EFNA2: variants seen among roughly 807,000 people sequenced by gnomAD.
EFNA2 encodes ephrin A2, also known as ephrin-A2.
Under a neutral mutation model 19.7 loss-of-function variants are expected in EFNA2, and 18 were observed. The ratio of observed to expected loss-of-function variants is 0.91; its 90% CI spans 0.63 to 1.35. The LOEUF (loss-of-function observed/expected upper bound fraction) is 1.35. Among genes scored for constraint, EFNA2 ranks in the 40% most tolerant of loss-of-function variants. EFNA2 has a pLI of 0.00. For synonymous variants in EFNA2, 187 were observed against 137.8 expected (o/e 1.36, Z -2.50); for missense variants, 303 against 296.0 (o/e 1.02, Z -0.17).
chr19:1,294,257 CAG>C lies in EFNA2; in HGVS notation c.141-1287_141-1286del, dbSNP rs1050369327. Among the ~76,000 whole-genome samples the C allele has an allele frequency of 1.3e-5, 2 of 152,198 alleles. No individual in the cohort carries two copies. The highest frequency in any genetic ancestry group is 4.8e-5 in the African/African-American group (2 of 41,446). On this transcript the variant is annotated intron_variant, in intron 1 of 3. Coordinates refer to ENST00000215368, the MANE Select transcript of EFNA2 (RefSeq NM_001405.4). The surrounding 1 kb of genome is among the most constrained non-coding windows in gnomAD (Gnocchi z 5.8). The stretch of plus-strand genomic sequence containing the variant: ...TTGGTCCAGGCCGCCGGTTACATGA[CAG>C]GGGCCCTGGGGACCACAGCCGGGAG...
rs1385196959 is a variant in EFNA2, at chr19:1,300,860, T to C, written c.*915T>C. ...CGAGGCCGAGAAGACCTTCTGTTCC[T>C]GTAAATACAGCCAGCAAGTGCAAAC... On this transcript the variant is annotated 3_prime_UTR_variant, in exon 4 of 4. Coordinates refer to ENST00000215368, the MANE Select transcript of EFNA2 (RefSeq NM_001405.4). 6.6e-6 allele frequency among the ~76,000 whole-genome samples: 1 copy of C among 152,196 alleles called. No homozygotes were observed. The highest frequency in any genetic ancestry group is 1.5e-5 in the Non-Finnish European group (1 of 68,038).
rs754898778 is a variant in EFNA2 at position 1,286,226 on chromosome 19, CCGCCGCCCTTCGCGCGCGCCGAGGA to C, written c.67_91del (p.Phe23AlafsTer33). On this transcript the variant is annotated frameshift_variant, in exon 1 of 4. Coordinates refer to ENST00000215368, the MANE Select transcript of EFNA2 (RefSeq NM_001405.4). LOFTEE classifies it high-confidence loss of function. The surrounding 1 kb of genome is among the most constrained non-coding windows in gnomAD (Gnocchi z 5.6). ...GCTGCTCCTGCTGTTACCGCTGCCG[CCGCCGCCCTTCGCGCGCGCCGAGGA>C]CGCCGCCCGCGCCAACTCGGACCGC... 5.5e-5 allele frequency: 62 copies of C among 1,123,826 alleles called. No homozygotes were observed. The highest frequency in any genetic ancestry group is 1.2e-4 in the Admixed American group (3 of 25,624). 69.6% of individuals were successfully genotyped at this position (1,123,826 alleles called of 1,614,324 possible).
Position 1,288,607 on chromosome 19 carries a change from G to A in EFNA2, c.140+2299G>A, listed in dbSNP as rs1274974142. Among the ~76,000 whole-genome samples, 4 of 152,072 alleles carry A rather than the reference G, an allele frequency of 2.6e-5. No individual in the cohort carries two copies. In the East Asian group the frequency reaches 5.8e-4, roughly 22 times the overall value. On this transcript the variant is annotated intron_variant, in intron 1 of 3. Transcript: ENST00000215368. ...TGTGCTCGATGGGGCCTGCAGGCCC[G>A]GGCAGTGCCGCAGCGTCGCCGGCCG...
Position 1,286,372 on chromosome 19 carries a change from C to T in EFNA2, c.140+64C>T, listed in dbSNP as rs2081464826. On this transcript the variant is annotated intron_variant, in intron 1 of 3. Transcript: ENST00000215368. This position sits in a 1 kb window ranked among gnomAD's most constrained non-coding sequence, Gnocchi z 5.6. ...CCAACGCCCCCCAAGCCGCGCCCGG[C>T]CTCGCGCCCCCGGAGCTCCGGGCGC... 1 of 904,984 alleles carries T rather than the reference C, an allele frequency of 1.1e-6. No individual in the cohort carries two copies. The highest frequency in any genetic ancestry group is 1.8e-5 in the African/African-American group (1 of 55,024). The allele number at this position is 904,984 out of a possible 1,614,324, so 56.1% of individuals were successfully genotyped here.
chr19:1,290,532 GGTT>G (rs770975939), intron 1 of EFNA2, among the ~76,000 whole-genome samples: 9 of 152,196 alleles, frequency 5.9e-5, no homozygotes, highest in Non-Finnish European at 1.2e-4. Context: ...GGAGGCAGTG[GGTT>G]GTGCATTCAT....
At chr19:1,290,431 G>A (rs1359665416) in intron 1 of EFNA2, among the ~76,000 whole-genome samples, 5 of 152,182 alleles carry the variant, frequency 3.3e-5, no homozygotes, top group Admixed American at 1.3e-4. Flanking sequence ...GGCCGTGAAC[G>A]CAGTGGGATT....
In EFNA2 at chr19:1,296,383, A is replaced by G. The variant is rs1290667540; in HGVS notation, c.454+525A>G. On this transcript the variant is annotated intron_variant, in intron 2 of 3. Coordinates refer to ENST00000215368, the MANE Select transcript of EFNA2 (RefSeq NM_001405.4). This position sits in a 1 kb window ranked among gnomAD's most constrained non-coding sequence, Gnocchi z 4.4. ...CCAGCAGGGGAGGGGAGCTTGGTGG[A>G]AGCCACAGCTAGGCTGAGTGCTGGG... Among the ~76,000 whole-genome samples, 2 of 152,210 alleles carry G rather than the reference A, an allele frequency of 1.3e-5. No homozygotes were observed. Among genetic ancestry groups the G allele is most frequent in the Non-Finnish European group, 2.9e-5 (2 of 68,022 alleles).
rs1309985552 is a variant in EFNA2, at chr19:1,291,442, C to T, written c.141-4103C>T. Among the ~76,000 whole-genome samples the T allele has an allele frequency of 2.6e-5, 4 of 152,206 alleles. No homozygotes were observed. The East Asian group carries it at 5.8e-4, about 22-fold the overall frequency. ...CCTCAGTCAGGGGGGACATCTCTTC[C>T]GTCCCTGGAAAAGCCAGGTGTGGGT... On this transcript the variant is annotated intron_variant, in intron 1 of 3. Coordinates refer to ENST00000215368, the MANE Select transcript of EFNA2 (RefSeq NM_001405.4).
intron 1 of EFNA2, among the ~76,000 whole-genome samples, chr19:1,291,819 T>G (rs11879503): frequency 0.2 from 30,646 of 152,134 alleles, 3,780 homozygotes; most frequent in African/African-American, 0.34. Context: ...TGCTGGAAGC[T>G]GGTGACAGCC....
In EFNA2 at chr19:1,295,764, C is replaced by CG; in HGVS notation, c.366dup (p.Pro123AlafsTer60). On this transcript the variant is annotated frameshift_variant, in exon 2 of 4. Coordinates refer to ENST00000215368, the MANE Select transcript of EFNA2 (RefSeq NM_001405.4). LOFTEE classifies it high-confidence loss of function. This position sits in a 1 kb window ranked among gnomAD's most constrained non-coding sequence, Gnocchi z 5.8. ...GGGAGTGCAACCGGCCCGCGGCGCC[C>CG]GGGGGGCCGCTCAAGTTCTCGGAGA... 2.5e-6 allele frequency: 4 copies of CG among 1,604,320 alleles called. No individual in the cohort carries two copies. Among genetic ancestry groups the CG allele is most frequent in the Non-Finnish European group, 2.5e-6 (3 of 1,176,738 alleles).
rs535862059 is a variant in EFNA2 at position 1,295,248 on chromosome 19, C to G, written c.141-297C>G. 6.6e-6 allele frequency among the ~76,000 whole-genome samples: 1 copy of G among 152,228 alleles called. No individual in the cohort carries two copies. The highest frequency in any genetic ancestry group is 2.1e-4 in the South Asian group (1 of 4,826). On this transcript the variant is annotated intron_variant, in intron 1 of 3. Transcript: ENST00000215368. The surrounding 1 kb of genome is among the most constrained non-coding windows in gnomAD (Gnocchi z 5.8). The stretch of plus-strand genomic sequence containing the variant: ...CCCCCATTCCCCGGCCTGACTTCCC[C>G]GTGCACCTGTCCCCTGACCCGTCCC...
At chr19:1,289,174 C>T (rs932887093) in intron 1 of EFNA2, among the ~76,000 whole-genome samples, 25 of 152,360 alleles carry the variant, frequency 1.6e-4, no homozygotes, top group Non-Finnish European at 1.8e-4. Context: ...CGTGTTTGCA[C>T]ATGTGTCTGC....
chr19:1,292,435 A>G (rs553398573), intron 1 of EFNA2, among the ~76,000 whole-genome samples: 14 of 152,234 alleles, frequency 9.2e-5, no homozygotes, highest in Admixed American at 2.0e-4. Context: ...GCACCACTGT[A>G]TGCAGGGCCT....
At chr19:1,290,168 G>A (rs1029528025) in intron 1 of EFNA2, among the ~76,000 whole-genome samples, 1 of 152,056 alleles carries the variant, frequency 6.6e-6, no homozygotes, top group Non-Finnish European at 1.5e-5. Context: ...GTGTGGATGG[G>A]CAAAGGCCTG....
Position 1,295,998 on chromosome 19 carries a change from AGGGGGG to A in EFNA2, c.454+141_454+146del, listed in dbSNP as rs2081513527. The A allele has an allele frequency of 3.0e-5, 1 of 33,466 alleles. No individual in the cohort carries two copies. Among genetic ancestry groups the A allele is most frequent in the Non-Finnish European group, 4.6e-5 (1 of 21,636 alleles). The allele number at this position is 33,466 out of a possible 1,614,324, so 2.1% of individuals were successfully genotyped here. A position where few individuals can be genotyped will look rare whatever the true frequency, so the allele number is the denominator to read the frequency against. ...GTGGGCGGGGCCGCGGTGTGGGGCC[AGGGGGG>A]AGTGGGCGGGGCCGCGGAATGGGGC... On this transcript the variant is annotated intron_variant, in intron 2 of 3. Transcript: ENST00000215368. This position sits in a 1 kb window ranked among gnomAD's most constrained non-coding sequence, Gnocchi z 5.8.
In EFNA2 at chr19:1,299,957, C is replaced by A. The variant is rs549747581; in HGVS notation, c.*12C>A. The A allele has an allele frequency of 2.5e-6, 4 of 1,592,570 alleles. No individual in the cohort carries two copies. The highest frequency in any genetic ancestry group is 3.4e-6 in the Non-Finnish European group (4 of 1,175,432). On this transcript the variant is annotated 3_prime_UTR_variant, in exon 4 of 4. Transcript: ENST00000215368. ...TCCTGGGTTCCTAGTCCCAGCCCCG[C>A]AGGACGCCGACCCTGCCTGGACGGC...
Position 1,287,379 on chromosome 19 carries a change from G to A in EFNA2, c.140+1071G>A, listed in dbSNP as rs911475165. On this transcript the variant is annotated intron_variant, in intron 1 of 3. Transcript: ENST00000215368. This position sits in a 1 kb window ranked among gnomAD's most constrained non-coding sequence, Gnocchi z 6.2. Reference sequence around the variant, plus strand: ...GGAGCTGCACATCGGGGGCTGAGGCGGCCCCCCCCCACTCTTCTGCTACTG... The same window carrying A: ...GGAGCTGCACATCGGGGGCTGAGGCAGCCCCCCCCCACTCTTCTGCTACTG... 2.6e-5 allele frequency among the ~76,000 whole-genome samples: 4 copies of A among 151,862 alleles called. No homozygotes were observed. The highest frequency in any genetic ancestry group is 3.9e-4 in the East Asian group (2 of 5,178).
Position 1,286,186 on chromosome 19 carries a change from C to A in EFNA2, c.18C>A (p.Arg6=). 1 of 1,026,134 alleles carries A rather than the reference C, an allele frequency of 9.7e-7. No homozygotes were observed. Among genetic ancestry groups the A allele is most frequent in the Non-Finnish European group, 1.2e-6 (1 of 855,492 alleles). The allele number at this position is 1,026,134 out of a possible 1,614,324, so 63.6% of individuals were successfully genotyped here. A position where few individuals can be genotyped will look rare whatever the true frequency, so the allele number is the denominator to read the frequency against. The change falls in exon 1 of 4, where the codon CGC becomes CGA. Residue 6 remains arginine (R), a synonymous_variant. Transcript: ENST00000215368. The surrounding 1 kb of genome is among the most constrained non-coding windows in gnomAD (Gnocchi z 5.6). The stretch of plus-strand genomic sequence containing the variant: ...CCGGGGCCATGGCGCCCGCGCAGCG[C>A]CCGCTGCTCCCGCTGCTGCTCCTGC... The part of the protein sequence containing the change: MAPAQ[R]PLLPLLLLLL...
In EFNA2 at chr19:1,287,040, A is replaced by G. The variant is rs2081468420; in HGVS notation, c.140+732A>G. 6.6e-6 allele frequency among the ~76,000 whole-genome samples: 1 copy of G among 152,216 alleles called. No individual in the cohort carries two copies. The highest frequency in any genetic ancestry group is 2.1e-4 in the South Asian group (1 of 4,832). On this transcript the variant is annotated intron_variant, in intron 1 of 3. Transcript: ENST00000215368. The surrounding 1 kb of genome is among the most constrained non-coding windows in gnomAD (Gnocchi z 6.2). ...CTTGGGGGCAGGACCCAGGTGGCCC[A>G]GTGCCCTGCCTGCCACGCCCGGCCG...
Sources: gnomAD v4.1 joint callset for allele counts (sites outside exome capture counted in the v4.1 genomes callset) on GRCh38, gnomAD v4.1.1 for gene constraint, Gnocchi (gnomAD v3.1) non-coding constraint, MANE v1.5 for transcripts, NCBI Gene and HGNC (gene_info 2026-07-23, HGNC 2026-07-21) for gene names.